Variants in DCC observed in about 807,000 individuals in gnomAD.
DCC encodes the protein DCC netrin 1 receptor.
Under a neutral mutation model 172.5 loss-of-function variants are expected in DCC, and 58 were observed. The observed-to-expected ratio is 0.34, with a 90% CI of 0.27 to 0.42. The LOEUF (loss-of-function observed/expected upper bound fraction) is 0.42, where lower values mean the gene tolerates loss of function less well. DCC is among the 10% of genes least tolerant of loss of function. The probability of loss-of-function intolerance (pLI) is 1.00; values close to 1 mark genes in which losing one functional copy is unlikely to be tolerated. For missense variants in DCC, 1,740 were observed against 1,791.0 expected (o/e 0.97, Z 0.51); for synonymous variants, 709 against 644.5 (o/e 1.10, Z -1.52).
At chr18:53,134,694 G>T (rs768713805) in intron 7 of DCC, among the ~76,000 whole-genome samples, 4 of 152,066 alleles carry the variant, frequency 2.6e-5, no homozygotes, top group South Asian at 2.1e-4. Flanking sequence ...TAAAAGAAAT[G>T]ATTTTTTTGA....
intron 27 of DCC, among the ~76,000 whole-genome samples, chr18:53,502,480 G>A (rs957404359): frequency 6.6e-6 from 1 of 152,174 alleles, no homozygotes; most frequent in Non-Finnish European, 1.5e-5. Context: ...ACTGACAAAT[G>A]TATTAGCTGT....
chr18:52,786,575 T>C (rs2037664670), intron 2 of DCC, among the ~76,000 whole-genome samples: 1 of 152,172 alleles, frequency 6.6e-6, no homozygotes, highest in Non-Finnish European at 1.5e-5. Context: ...TACATAGCTC[T>C]TTTGGATTGG....
intron 1 of DCC, among the ~76,000 whole-genome samples, chr18:52,410,726 A>G (rs1212490592): frequency 6.6e-6 from 1 of 152,126 alleles, no homozygotes; most frequent in African/African-American, 2.4e-5. Flanking sequence ...GCAGCTCACA[A>G]CACTAGTTAA....
intron 1 of DCC, among the ~76,000 whole-genome samples, chr18:52,384,437 TTGTCTCATCTG>T (rs1307937034): frequency 6.6e-6 from 1 of 152,156 alleles, no homozygotes; most frequent in Non-Finnish European, 1.5e-5. Flanking sequence ...CACGATGACA[TTGTCTCATCTG>T]TAACCACATT....
rs2058076281 is a variant in DCC, at chr18:53,373,156, T to G, written c.2360-12887T>G. Among the ~76,000 whole-genome samples the G allele has an allele frequency of 2.0e-5, 3 of 152,168 alleles. 1 individual carries two copies. In the South Asian group the frequency reaches 6.2e-4, roughly 32 times the overall value. ...AGCAATCATGCACAAAATTGTTTATTAAAATACAAATATACACCAGTAATG... is the reference window on the plus strand; with the variant it reads ...AGCAATCATGCACAAAATTGTTTATGAAAATACAAATATACACCAGTAATG... On this transcript the variant is annotated intron_variant, in intron 15 of 28. Coordinates refer to ENST00000442544, the MANE Select transcript of DCC (RefSeq NM_005215.4).
rs149511448 is a variant in DCC at position 53,066,924 on chromosome 18, G to A, written c.1261+758G>A. On this transcript the variant is annotated intron_variant, in intron 7 of 28. Transcript: ENST00000442544. ...AGCAAGTGCATCTTATGTGGCTGGT[G>A]CAGGAGAAACAGAGAAAGAGGGGGA... Among the ~76,000 whole-genome samples, 161 of 152,116 alleles carry A rather than the reference G, an allele frequency of 1.1e-3. 2 individuals are homozygous for A. The highest frequency in any genetic ancestry group is 3.9e-3 in the African/African-American group (160 of 41,490).
chr18:52,921,711 T>A (rs1365604281), intron 3 of DCC, among the ~76,000 whole-genome samples: 1 of 148,616 alleles, frequency 6.7e-6, no homozygotes, highest in Non-Finnish European at 1.5e-5. Flanking sequence ...ATAAAAATAA[T>A]AATAATAATA....
intron 1 of DCC, among the ~76,000 whole-genome samples, chr18:52,431,001 A>G (rs1047183090): frequency 2.0e-5 from 3 of 152,124 alleles, no homozygotes; most frequent in Admixed American, 6.6e-5. Flanking sequence ...ACCCCACAAA[A>G]CTGGAGGGAT....
At chr18:53,176,851 A>G (rs2055103773) in intron 8 of DCC, among the ~76,000 whole-genome samples, 1 of 151,710 alleles carries the variant, frequency 6.6e-6, no homozygotes. Flanking sequence ...AGGACTATAA[A>G]TCATTCTGCT....
intron 15 of DCC, among the ~76,000 whole-genome samples, chr18:53,371,714 T>A (rs2058061686): frequency 6.6e-6 from 1 of 152,024 alleles, no homozygotes. Flanking sequence ...TAACCCAATA[T>A]CTAGTTGTTT....
intron 1 of DCC, among the ~76,000 whole-genome samples, chr18:52,685,389 A>G (rs1231020720): frequency 1.3e-5 from 2 of 152,148 alleles, no homozygotes; most frequent in Non-Finnish European, 2.9e-5. Flanking sequence ...GTGGAATGAC[A>G]GTCATATTGA....
intron 8 of DCC, among the ~76,000 whole-genome samples, chr18:53,175,466 A>G (rs1399032811): frequency 6.6e-6 from 1 of 151,992 alleles, no homozygotes; most frequent in Non-Finnish European, 1.5e-5. Flanking sequence ...GCTGATAAGC[A>G]ACTTCAGCAA....
At chr18:52,868,854 A>C (rs2039271521) in intron 2 of DCC, among the ~76,000 whole-genome samples, 2 of 152,180 alleles carry the variant, frequency 1.3e-5, no homozygotes, top group Admixed American at 1.3e-4. Context: ...ACAGTCAGAC[A>C]CACCAGCTGC....
chr18:53,092,638 A>T (rs2144186829), intron 7 of DCC, among the ~76,000 whole-genome samples: 1 of 152,342 alleles, frequency 6.6e-6, no homozygotes, highest in East Asian at 1.9e-4. Context: ...TTCAAGATCT[A>T]ACATGCATGA....
At chr18:52,347,980 T>G (rs1983952955) in intron 1 of DCC, among the ~76,000 whole-genome samples, 1 of 152,162 alleles carries the variant, frequency 6.6e-6, no homozygotes, top group Non-Finnish European at 1.5e-5. Flanking sequence ...GTTTTCTGAT[T>G]TTTGTATTAA....
chr18:53,178,373 A>C (rs1399136376), intron 8 of DCC, among the ~76,000 whole-genome samples: 3 of 152,234 alleles, frequency 2.0e-5, no homozygotes, highest in African/African-American at 7.2e-5. Context: ...AGAGCAAGAC[A>C]AACAGGCATA....
intron 12 of DCC, among the ~76,000 whole-genome samples, chr18:53,280,982 C>T (rs1242073527): frequency 6.6e-6 from 1 of 151,032 alleles, no homozygotes; most frequent in Admixed American, 6.6e-5. Context: ...AGTGTGCAGT[C>T]TTCTCTATGA....
chr18:52,846,279 T>A (rs930662080), intron 2 of DCC, among the ~76,000 whole-genome samples: 5 of 152,032 alleles, frequency 3.3e-5, no homozygotes, highest in Admixed American at 3.3e-4. Context: ...TGGTGGCACA[T>A]GCCTGTAATC....
At chr18:52,572,471 T>C (rs189395938) in intron 1 of DCC, among the ~76,000 whole-genome samples, 3 of 152,324 alleles carry the variant, frequency 2.0e-5, no homozygotes, top group Admixed American at 2.0e-4. Context: ...GCATGTTTCC[T>C]GACAGAATTC....
Sources: gnomAD v4.1 joint callset for allele counts (sites outside exome capture counted in the v4.1 genomes callset) on GRCh38, gnomAD v4.1.1 for gene constraint, MANE v1.5 for transcripts, NCBI Gene and HGNC (gene_info 2026-07-23, HGNC 2026-07-21) for gene names.